Variants in KCNH8 observed in about 807,000 individuals in gnomAD.
The protein encoded by KCNH8 is potassium voltage-gated channel subfamily H member 8.
KCNH8 carries 70 observed loss-of-function variants against 103.6 expected under a neutral mutation model. The ratio of observed to expected loss-of-function variants is 0.68; its 90% CI spans 0.56 to 0.82. The LOEUF (loss-of-function observed/expected upper bound fraction) is 0.82, where lower values mean the gene tolerates loss of function less well. Ranked by LOEUF, KCNH8 falls within the 40% of genes least tolerant of loss-of-function variation. The pLI, the probability that KCNH8 is intolerant of heterozygous loss-of-function variation, is 0.00. For missense variants in KCNH8, 1,217 were observed against 1,329.9 expected, an observed-to-expected ratio of 0.92 and a Z score of 1.32; for synonymous variants, 498 against 489.4, an observed-to-expected ratio of 1.02 and a Z score of -0.23.
chr3:19,306,969 T>C (rs183997608), intron 3 of KCNH8, among the ~76,000 whole-genome samples: 21 of 151,970 alleles, frequency 1.4e-4, no homozygotes, highest in Non-Finnish European at 2.8e-4. Context: ...GACCTCAAAG[T>C]ATACTAAAAA....
At chr3:19,152,054 T>A (rs1217576612) in intron 1 of KCNH8, among the ~76,000 whole-genome samples, 3 of 152,012 alleles carry the variant, frequency 2.0e-5, no homozygotes, top group African/African-American at 7.2e-5. Context: ...CAAAAACCAC[T>A]CACTTGTACC....
At chr3:19,348,487 C>T (rs1329041036) in intron 5 of KCNH8, among the ~76,000 whole-genome samples, 1 of 152,038 alleles carries the variant, frequency 6.6e-6, no homozygotes, top group Non-Finnish European at 1.5e-5. Context: ...AGAAAAGGCC[C>T]CAAAGGATGT....
chr3:19,318,774 T>C (rs113834759), intron 3 of KCNH8, among the ~76,000 whole-genome samples: 53 of 151,788 alleles, frequency 3.5e-4, no homozygotes, highest in African/African-American at 1.2e-3. Context: ...TCACCAACAG[T>C]GTAAAGGTGT....
chr3:19,402,587 C>T (rs924430049), intron 7 of KCNH8, among the ~76,000 whole-genome samples: 2 of 151,754 alleles, frequency 1.3e-5, no homozygotes, highest in African/African-American at 4.8e-5. Flanking sequence ...TATATTTATG[C>T]ATGTATAAGA....
chr3:19,463,906 G>A (rs953235220), intron 11 of KCNH8, among the ~76,000 whole-genome samples: 3 of 152,128 alleles, frequency 2.0e-5, no homozygotes, highest in African/African-American at 7.2e-5. Flanking sequence ...AGCAGTGACA[G>A]TATATGTAAG....
chr3:19,277,568 G>C (rs1274407729), intron 2 of KCNH8, among the ~76,000 whole-genome samples: 3 of 151,994 alleles, frequency 2.0e-5, no homozygotes, highest in Non-Finnish European at 4.4e-5. Flanking sequence ...AAAAGGCACA[G>C]GTGGTAAACT....
rs1575067067 is a variant in KCNH8 at position 19,438,216 on chromosome 3, T to C, written c.1230T>C (p.Asn410=). The C allele has an allele frequency of 6.2e-7, 1 of 1,614,130 alleles. No individual in the cohort carries two copies. Among genetic ancestry groups the C allele is most frequent in the Non-Finnish European group, 8.5e-7 (1 of 1,180,006 alleles). Residue 410 remains asparagine, a synonymous_variant, in exon 8 of 16, where the codon AAT becomes AAC. Coordinates refer to ENST00000328405, the MANE Select transcript of KCNH8 (RefSeq NM_144633.3). ...TGGAATCTCCATACTATGGCAACAA[T>C]ACCTTGGGGGGCCCGTCGATCCGAA... The part of the protein sequence containing the change: ...KRLESPYYGN[N]TLGGPSIRSA...
intron 10 of KCNH8, among the ~76,000 whole-genome samples, chr3:19,452,983 A>T (rs535841810): frequency 2.0e-5 from 3 of 152,218 alleles, no homozygotes; most frequent in Non-Finnish European, 4.4e-5. Context: ...TGGATTAAAA[A>T]TGTGGTACAT....
At chr3:19,199,094 C>A (rs1324274304) in intron 1 of KCNH8, among the ~76,000 whole-genome samples, 1 of 152,044 alleles carries the variant, frequency 6.6e-6, no homozygotes, top group Non-Finnish European at 1.5e-5. Context: ...AGAAGACCTT[C>A]CCCTCAAATA....
chr3:19,484,251 C>A (rs1003982878), intron 11 of KCNH8, among the ~76,000 whole-genome samples: 3 of 152,110 alleles, frequency 2.0e-5, no homozygotes, highest in Non-Finnish European at 4.4e-5. Flanking sequence ...GGGCTACATA[C>A]CTTGTACTGA....
chr3:19,206,756 A>G (rs141883850), intron 1 of KCNH8, among the ~76,000 whole-genome samples: 4 of 152,136 alleles, frequency 2.6e-5, no homozygotes, highest in African/African-American at 9.6e-5. Context: ...TAAGTTGAGA[A>G]CCAGTGTTTT....
At chr3:19,365,204 C>T (rs1198085604) in intron 5 of KCNH8, among the ~76,000 whole-genome samples, 1 of 152,066 alleles carries the variant, frequency 6.6e-6, no homozygotes, top group African/African-American at 2.4e-5. Context: ...TAATGTTCCT[C>T]TGTGCATATA....
At chr3:19,176,117 G>A (rs1256391215) in intron 1 of KCNH8, among the ~76,000 whole-genome samples, 1 of 152,032 alleles carries the variant, frequency 6.6e-6, no homozygotes, top group Non-Finnish European at 1.5e-5. Flanking sequence ...CTGAGTTTGA[G>A]GTGAAATATT....
intron 11 of KCNH8, among the ~76,000 whole-genome samples, chr3:19,508,087 T>C (rs770920483): frequency 2.6e-5 from 4 of 152,232 alleles, no homozygotes; most frequent in Non-Finnish European, 5.9e-5. Context: ...ATCCCAGGAA[T>C]AAAGCCTACT....
intron 3 of KCNH8, among the ~76,000 whole-genome samples, chr3:19,291,111 G>A (rs913047339): frequency 3.3e-5 from 5 of 151,976 alleles, no homozygotes; most frequent in African/African-American, 4.8e-5. Flanking sequence ...ATTTTTTATT[G>A]CGTCTATTTG....
At chr3:19,508,315 G>A (rs1352378758) in intron 11 of KCNH8, among the ~76,000 whole-genome samples, 4 of 152,020 alleles carry the variant, frequency 2.6e-5, no homozygotes, top group Admixed American at 2.0e-4. Context: ...GTAATCAAAG[G>A]TATCAAAAAG....
In KCNH8 at chr3:19,318,640, A is replaced by AGTGTGT. The variant is rs113809907; in HGVS notation, c.443-23930_443-23925dup. Among the ~76,000 whole-genome samples, 8 of 131,308 alleles carry AGTGTGT rather than the reference A, an allele frequency of 6.1e-5. No individual in the cohort carries two copies. In the East Asian group the frequency reaches 8.6e-4, roughly 14 times the overall value. 86.1% of individuals were successfully genotyped at this position (131,308 alleles called of 152,430 possible). A position where few individuals can be genotyped will look rare whatever the true frequency, so the allele number is the denominator to read the frequency against. ...TATGGCTGAGTAGTATTACATGGTA[A>AGTGTGT]GTGTGTGTGTGTGTGTGTGTGTACA... On this transcript the variant is annotated intron_variant, in intron 3 of 15. Coordinates refer to ENST00000328405, the MANE Select transcript of KCNH8 (RefSeq NM_144633.3).
intron 3 of KCNH8, among the ~76,000 whole-genome samples, chr3:19,308,968 T>C (rs536696865): frequency 6.6e-6 from 1 of 151,694 alleles, no homozygotes; most frequent in South Asian, 2.1e-4. Flanking sequence ...ACACACCAAT[T>C]AGTAAGGAGA....
intron 7 of KCNH8, among the ~76,000 whole-genome samples, chr3:19,424,442 C>A (rs1465117630): frequency 6.6e-6 from 1 of 152,076 alleles, no homozygotes; most frequent in Non-Finnish European, 1.5e-5. Flanking sequence ...TCATCTCTCA[C>A]CTTATACAAA....
Sources: gnomAD v4.1 joint callset for allele counts (sites outside exome capture counted in the v4.1 genomes callset) on GRCh38, gnomAD v4.1.1 for gene constraint, MANE v1.5 for transcripts, NCBI Gene and HGNC (gene_info 2026-07-23, HGNC 2026-07-21) for gene names.